PIGZ: variants seen among roughly 807,000 people sequenced by gnomAD.
The protein encoded by PIGZ is phosphatidylinositol glycan anchor biosynthesis class Z (Gwada blood group), also known as GPI alpha-1,2-mannosyltransferase 4.
In PIGZ, 16 loss-of-function variants were observed where a neutral mutation model predicts 16.4. The observed-to-expected ratio is 0.97, with a 90% confidence interval of 0.66 to 1.48. The LOEUF (loss-of-function observed/expected upper bound fraction) is 1.48. Ranked by LOEUF, PIGZ falls within the 40% of genes most tolerant of loss-of-function variation. PIGZ has a pLI of 0.00. For missense variants in PIGZ, 770 were observed against 739.2 expected, an observed-to-expected ratio of 1.04 and a Z score of -0.48; for synonymous variants, 409 against 338.4, an observed-to-expected ratio of 1.21 and a Z score of -2.29.
chr3:196,956,183 C>T (rs2108909083), intron 1 of PIGZ, among the ~76,000 whole-genome samples: 1 of 152,148 alleles, frequency 6.6e-6, no homozygotes, highest in Non-Finnish European at 1.5e-5. Context: ...TGGATTAGGA[C>T]CCTTTGTCAT....
chr3:196,962,199 C>T (rs995027022), intron 1 of PIGZ, among the ~76,000 whole-genome samples: 5 of 152,300 alleles, frequency 3.3e-5, no homozygotes, highest in Admixed American at 6.5e-5. Flanking sequence ...CAGAAACATG[C>T]GCTGTATTGA....
At chr3:196,955,842 A>T (rs543299861) in intron 1 of PIGZ, among the ~76,000 whole-genome samples, 1 of 151,800 alleles carries the variant, frequency 6.6e-6, no homozygotes, top group East Asian at 1.9e-4. Context: ...GCCTCCCAAG[A>T]TGCTGGGATT....
intron 1 of PIGZ, among the ~76,000 whole-genome samples, 158 bp from the exon 2 acceptor site, chr3:196,952,189 C>T (rs1326352692): frequency 6.6e-6 from 1 of 152,174 alleles, no homozygotes; most frequent in African/African-American, 2.4e-5. Flanking sequence ...ACGTGACATG[C>T]ATATTTCATT....
intron 2 of PIGZ, among the ~76,000 whole-genome samples, chr3:196,950,744 C>CTTTTTTTTTTTTTTTTTTTTTTT (rs35150164): frequency 2.7e-5 from 4 of 145,602 alleles, no homozygotes; most frequent in South Asian, 2.2e-4. Context: ...CTTCATTAGA[C>CTTTTTTTTTTTTTTTTTTTTTTT]TTTTTTTTTT....
At chr3:196,966,308 T>A (rs1560192156) in intron 1 of PIGZ, among the ~76,000 whole-genome samples, 1 of 152,222 alleles carries the variant, frequency 6.6e-6, no homozygotes, top group Non-Finnish European at 1.5e-5. Flanking sequence ...TTAAAACAAG[T>A]ACCTATCTCA....
At chr3:196,962,069 G>C (rs1307737588) in intron 1 of PIGZ, among the ~76,000 whole-genome samples, 3 of 152,168 alleles carry the variant, frequency 2.0e-5, no homozygotes, top group East Asian at 3.8e-4. Flanking sequence ...AGATCAGACT[G>C]TTACTGTGTC....
At chr3:196,953,550 G>A (rs948129143) in intron 1 of PIGZ, among the ~76,000 whole-genome samples, 26 of 152,188 alleles carry the variant, frequency 1.7e-4, no homozygotes, top group Non-Finnish European at 3.5e-4. Flanking sequence ...GTAACTCAAA[G>A]AGCAGTGACA....
chr3:196,957,173 G>T (rs1186946558), intron 1 of PIGZ, among the ~76,000 whole-genome samples: 4 of 57,688 alleles, frequency 6.9e-5, no homozygotes, highest in South Asian at 4.5e-4. Flanking sequence ...TCCAGGTTTT[G>T]TGTGTGTGTG....
intron 1 of PIGZ, among the ~76,000 whole-genome samples, chr3:196,960,542 T>C (rs963920121): frequency 2.6e-5 from 4 of 151,774 alleles, no homozygotes; most frequent in African/African-American, 9.7e-5. Context: ...CGTGGTGGTG[T>C]GCACCTGTAA....
chr3:196,952,315 T>C (rs1436878289), intron 1 of PIGZ, among the ~76,000 whole-genome samples: 3 of 152,216 alleles, frequency 2.0e-5, no homozygotes, highest in African/African-American at 4.8e-5. Context: ...CTAAGGAGTC[T>C]GATGGTTCAT....
chr3:196,966,884 C>T (rs1717949998), intron 1 of PIGZ, among the ~76,000 whole-genome samples: 1 of 152,120 alleles, frequency 6.6e-6, no homozygotes, highest in African/African-American at 2.4e-5. Context: ...CTCCAGTAGC[C>T]TCCTGGGGGT....
intron 1 of PIGZ, among the ~76,000 whole-genome samples, chr3:196,964,967 A>T (rs1052947367): frequency 3.3e-5 from 5 of 151,486 alleles, no homozygotes; most frequent in Non-Finnish European, 7.4e-5. Context: ...GGTCTGTTTG[A>T]CTCCACTGCC....
In PIGZ at chr3:196,947,409, G is replaced by A; in HGVS notation, c.1488C>T (p.Cys496=). The change falls in exon 3 of 3, where the codon TGC becomes TGT. Residue 496 remains cysteine (C), a synonymous_variant. Transcript: ENST00000412723. ...GTCTGGTGAAGCTTTTCAGGGTTTGGCACAGGGCCCAGTCCTCAGTCCCCC... is the reference window on the plus strand; with the variant it reads ...GTCTGGTGAAGCTTTTCAGGGTTTGACACAGGGCCCAGTCCTCAGTCCCCC... The part of the protein sequence containing the change: ...DMGGTEDWAL[C]QTLKSFTRQP... The A allele has an allele frequency of 6.2e-7, 1 of 1,613,928 alleles. No homozygotes were observed. The highest frequency in any genetic ancestry group is 8.5e-7 in the Non-Finnish European group (1 of 1,180,024).
At position 196,948,069 on chromosome 3, in the gene PIGZ, G is replaced by A; in HGVS notation, c.828C>T (p.Asp276=). The A allele has an allele frequency of 6.3e-7, 1 of 1,588,190 alleles. No individual in the cohort carries two copies. The highest frequency in any genetic ancestry group is 8.6e-7 in the Non-Finnish European group (1 of 1,164,206). ...TAGCGGGGCTGGAGAAATACCAGCT[G>A]TCCGTGGCCACAAACACCGCTGCTG... ...ALTAAVFVAT[D]SWYFSSPATS... is the part of the protein sequence containing the mutation. Residue 276 remains aspartate (D), a synonymous_variant, in exon 3 of 3, where the codon GAC becomes GAT. Coordinates refer to ENST00000412723, the MANE Select transcript of PIGZ (RefSeq NM_025163.4).
At chr3:196,963,123 G>C (rs1717788008) in intron 1 of PIGZ, among the ~76,000 whole-genome samples, 1 of 152,170 alleles carries the variant, frequency 6.6e-6, no homozygotes, top group South Asian at 2.1e-4. Flanking sequence ...TGTTGTAGCA[G>C]GTATCACTAC....
rs1717883931 is a variant in PIGZ at position 196,965,320 on chromosome 3, T to G, written c.-1+3367A>C. Reference sequence around the variant, plus strand: ...CAAGAGAGAGTGTGAGTGGAGGAAATGACGGACGCTTATGGAACCATCAGA... The same window carrying G: ...CAAGAGAGAGTGTGAGTGGAGGAAAGGACGGACGCTTATGGAACCATCAGA... On this transcript the variant is annotated intron_variant, in intron 1 of 2. Coordinates refer to ENST00000412723, the MANE Select transcript of PIGZ (RefSeq NM_025163.4). The surrounding 1 kb of genome is among the most constrained non-coding windows in gnomAD (Gnocchi z 4.2). Among the ~76,000 whole-genome samples the G allele has an allele frequency of 6.6e-6, 1 of 152,082 alleles. No homozygotes were observed. Among genetic ancestry groups the G allele is most frequent in the African/African-American group, 2.4e-5 (1 of 41,392 alleles).
At position 196,948,135 on chromosome 3, in the gene PIGZ, C is replaced by A. The variant is rs1717007823; in HGVS notation, c.762G>T (p.Leu254=). The A allele has an allele frequency of 3.1e-6, 5 of 1,605,912 alleles. No individual in the cohort carries two copies. In the East Asian group the frequency reaches 8.9e-5, roughly 29 times the overall value. The change falls in exon 3 of 3, where the codon CTG becomes CTT. Residue 254 remains leucine, a synonymous_variant. Coordinates refer to ENST00000412723, the MANE Select transcript of PIGZ (RefSeq NM_025163.4). The stretch of plus-strand genomic sequence containing the variant: ...GGAGCAGCACCAGGGCCTCCCGGGT[C>A]AGAGACTTCAAACCAGGGTTTGTGG... ...RGATNPGLKS[L]TREALVLLPG... is the part of the protein sequence containing the mutation.
rs1205091841 is a variant in PIGZ at position 196,947,614 on chromosome 3, C to T, written c.1283G>A (p.Gly428Asp). ...LFNALGALLF[G>D]CLHQGGLVPG... ...CACCAGGCCCCCCTGATGCAGGCAG[C>T]CGAAGAGGAGGGCACCGAGGGCGTT... Residue 428 changes from glycine to aspartate, a missense_variant, in exon 3 of 3, where the codon GGC becomes GAC. By Grantham distance (94) the Gly-to-Asp change is moderately conservative (BLOSUM62 -1). Transcript: ENST00000412723. The T allele has an allele frequency of 6.2e-7, 1 of 1,613,188 alleles. No individual in the cohort carries two copies. The highest frequency in any genetic ancestry group is 8.5e-7 in the Non-Finnish European group (1 of 1,179,550).
chr3:196,960,154 G>T (rs1717652599), intron 1 of PIGZ, among the ~76,000 whole-genome samples: 1 of 152,206 alleles, frequency 6.6e-6, no homozygotes, highest in Non-Finnish European at 1.5e-5. Context: ...ACTGTTACAG[G>T]AGTGGTCGCT....
Sources: allele counts gnomAD v4.1 joint callset (sites outside exome capture counted in the v4.1 genomes callset), GRCh38; gene constraint gnomAD v4.1.1; non-coding constraint Gnocchi (gnomAD v3.1); transcripts MANE v1.5; gene names NCBI Gene and HGNC (gene_info 2026-07-23, HGNC 2026-07-21).